PITPNM3: variants seen among roughly 807,000 people sequenced by gnomAD.
PITPNM3 encodes the protein membrane-associated phosphatidylinositol transfer protein 3.
A neutral mutation model predicts 102.0 loss-of-function variants in PITPNM3; 26 were observed. That is an observed-to-expected ratio of 0.25 (90% CI 0.19 to 0.35). The LOEUF (loss-of-function observed/expected upper bound fraction) is 0.35, where lower values mean the gene tolerates loss of function less well. PITPNM3 is among the 10% of genes least tolerant of loss of function. The probability of loss-of-function intolerance (pLI) is 1.00; values close to 1 mark genes in which losing one functional copy is unlikely to be tolerated. For synonymous variants in PITPNM3, 578 were observed against 558.6 expected, an observed-to-expected ratio of 1.03 and a Z score of -0.49; for missense variants, 1,083 against 1,346.1, an observed-to-expected ratio of 0.80 and a Z score of 3.06.
Position 6,469,170 on chromosome 17 carries a change from A to T in PITPNM3, c.1774-829T>A, listed in dbSNP as rs1210892400. ...TAGGAGCACCCTTAGTCTGGCACTC[A>T]TCGCCAGTTGTAAATGCCGTCCAAG... On this transcript the variant is annotated intron_variant, in intron 13 of 19. Coordinates refer to ENST00000262483, the MANE Select transcript of PITPNM3 (RefSeq NM_031220.4). The surrounding 1 kb of genome is among the most constrained non-coding windows in gnomAD (Gnocchi z 4.0). 6.6e-6 allele frequency among the ~76,000 whole-genome samples: 1 copy of T among 152,122 alleles called. No homozygotes were observed. Among genetic ancestry groups the T allele is most frequent in the African/African-American group, 2.4e-5 (1 of 41,420 alleles).
At chr17:6,512,280 CAT>C (rs1426673185) in intron 3 of PITPNM3, among the ~76,000 whole-genome samples, 2 of 152,166 alleles carry the variant, frequency 1.3e-5, no homozygotes, top group Admixed American at 1.3e-4. Flanking sequence ...AGTAAACAGA[CAT>C]ATTCCTATCA....
chr17:6,525,510 A>C (rs1181966093), intron 2 of PITPNM3, 47 bp from the exon 3 acceptor site: 2 of 1,420,316 alleles, frequency 1.4e-6, no homozygotes, highest in Non-Finnish European at 2.0e-6. Context: ...AGCTAGGGAT[A>C]GGTAGCCCTA....
chr17:6,492,494 A>C (rs1906552725), intron 4 of PITPNM3, among the ~76,000 whole-genome samples: 1 of 152,236 alleles, frequency 6.6e-6, no homozygotes, highest in Admixed American at 6.5e-5. Flanking sequence ...AAAGGATAAG[A>C]AATGCTTGTG....
At chr17:6,496,053 GA>G (rs1906794984) in intron 4 of PITPNM3, among the ~76,000 whole-genome samples, 1 of 152,174 alleles carries the variant, frequency 6.6e-6, no homozygotes, top group Admixed American at 6.5e-5. Flanking sequence ...GGTCTCTGCT[GA>G]AGGCTCATGC....
rs886663019 is a variant in PITPNM3, at chr17:6,455,168, GC to G, written c.*169del. 5 of 855,818 alleles carry G rather than the reference GC, an allele frequency of 5.8e-6. No individual in the cohort carries two copies. The East Asian group carries it at 1.2e-4, about 21-fold the overall frequency. The allele number at this position is 855,818 out of a possible 1,614,324, so 53.0% of individuals were successfully genotyped here. A position where few individuals can be genotyped will look rare whatever the true frequency, so the allele number is the denominator to read the frequency against. On this transcript the variant is annotated 3_prime_UTR_variant, in exon 20 of 20. Coordinates refer to ENST00000262483, the MANE Select transcript of PITPNM3 (RefSeq NM_031220.4). The stretch of plus-strand genomic sequence containing the variant: ...ACCTCACCCCGTCGCAGCTCAGGGA[GC>G]CCCCCGGGCTCGGGCAGGATCCCTC...
At position 6,468,965 on chromosome 17, in the gene PITPNM3, C is replaced by T. The variant is rs1904922192; in HGVS notation, c.1774-624G>A. Among the ~76,000 whole-genome samples, 1 of 152,088 alleles carries T rather than the reference C, an allele frequency of 6.6e-6. No homozygotes were observed. The highest frequency in any genetic ancestry group is 1.5e-5 in the Non-Finnish European group (1 of 68,012). On this transcript the variant is annotated intron_variant, in intron 13 of 19. Transcript: ENST00000262483. The surrounding 1 kb of genome is among the most constrained non-coding windows in gnomAD (Gnocchi z 5.2). ...CTCCAGTCAGGGTTCTTCTCCATCA[C>T]TCCTCTACGGAAGCCATTCTTGCCA... is the stretch of plus-strand genomic sequence containing the variant.
chr17:6,471,451 TGGA>T, intron 11 of PITPNM3, 96 bp from the exon 12 acceptor site: 1 of 1,233,902 alleles, frequency 8.1e-7, no homozygotes, highest in Admixed American at 2.6e-5. Context: ...GCTGGGCACT[TGGA>T]GGAGTCAGCC....
intron 3 of PITPNM3, among the ~76,000 whole-genome samples, chr17:6,506,353 T>C (rs1195956080): frequency 6.7e-6 from 1 of 149,784 alleles, no homozygotes; most frequent in Non-Finnish European, 1.5e-5. Context: ...CTTCCTTCCT[T>C]TCTATTCTTT....
At position 6,471,145 on chromosome 17, in the gene PITPNM3, A is replaced by G. The variant is rs764876247; in HGVS notation, c.1624+16T>C. On this transcript the variant is annotated intron_variant, in intron 12 of 19. Coordinates refer to ENST00000262483, the MANE Select transcript of PITPNM3 (RefSeq NM_031220.4). ...TCCCCCGAATCCAGGCAGGGCCCCA[A>G]AAGGACCTCACTCACTGCGGGAGGC... is the stretch of plus-strand genomic sequence containing the variant. The G allele has an allele frequency of 7.4e-6, 12 of 1,611,572 alleles. No homozygotes were observed. The South Asian group carries it at 1.2e-4, about 16-fold the overall frequency.
intron 2 of PITPNM3, among the ~76,000 whole-genome samples, chr17:6,529,293 G>A (rs144907953): frequency 4.6e-5 from 7 of 152,256 alleles, no homozygotes; most frequent in Admixed American, 2.0e-4. Flanking sequence ...GGACTCCAGA[G>A]TAAAGAATCT....
At chr17:6,503,219 C>G (rs1453230501) in intron 4 of PITPNM3, among the ~76,000 whole-genome samples, 1 of 152,188 alleles carries the variant, frequency 6.6e-6, no homozygotes, top group African/African-American at 2.4e-5. Flanking sequence ...CTGCTGAGCT[C>G]ACACTCCCAA....
At chr17:6,522,290 A>ATG (rs1319406221) in intron 3 of PITPNM3, among the ~76,000 whole-genome samples, 7,422 of 147,026 alleles carry the variant, frequency 0.05, 263 homozygotes, top group South Asian at 0.15. Flanking sequence ...GTGTGCGCAC[A>ATG]CACACACACA....
chr17:6,545,129 C>T (rs749069855), intron 1 of PITPNM3, among the ~76,000 whole-genome samples: 40 of 152,288 alleles, frequency 2.6e-4, no homozygotes, highest in East Asian at 3.9e-4. Context: ...TACTAAATGA[C>T]AGGAAACCCT....
intron 3 of PITPNM3, among the ~76,000 whole-genome samples, chr17:6,512,039 T>TCGATTGTC (rs1187957696): frequency 7.5e-4 from 114 of 152,298 alleles, no homozygotes; most frequent in African/African-American, 2.4e-3. Flanking sequence ...GCTCTTGTGA[T>TCGATTGTC]CGATTGTCTG....
At chr17:6,516,393 C>A (rs539530912) in intron 3 of PITPNM3, among the ~76,000 whole-genome samples, 1 of 151,402 alleles carries the variant, frequency 6.6e-6, no homozygotes, top group Non-Finnish European at 1.5e-5. Context: ...GAAACCCCGT[C>A]TCTACTAAAA....
chr17:6,532,507 C>T (rs1345971814), intron 2 of PITPNM3, among the ~76,000 whole-genome samples: 2 of 152,108 alleles, frequency 1.3e-5, no homozygotes, highest in Non-Finnish European at 2.9e-5. Flanking sequence ...AACTCCCCAT[C>T]CCCAGGCGAC....
At chr17:6,525,496 G>A (rs1234503131) in intron 2 of PITPNM3, 33 bp from the exon 3 acceptor site, 2 of 1,522,192 alleles carry the variant, frequency 1.3e-6, no homozygotes, top group African/African-American at 1.4e-5. Context: ...GCAGAAGCAG[G>A]TGCAGCTAGG....
intron 1 of PITPNM3, among the ~76,000 whole-genome samples, chr17:6,544,847 C>CCACACACACACACACACTCA (rs949264334): frequency 2.1e-5 from 2 of 95,130 alleles, no homozygotes; most frequent in African/African-American, 8.0e-5. Flanking sequence ...GCTCATGCAG[C>CCACACACACACACACACTCA]CACACACACA....
At position 6,539,990 on chromosome 17, in the gene PITPNM3, G is replaced by A. The variant is rs117244812; in HGVS notation, c.23-1908C>T. On this transcript the variant is annotated intron_variant, in intron 1 of 19. Transcript: ENST00000262483. ...TTTGAACAGCAAGAGCCCAGTGAGA[G>A]GCTCCTCTATGCGGTGGCCTCATAC... Among the ~76,000 whole-genome samples, 1,175 of 152,310 alleles carry A rather than the reference G, an allele frequency of 7.7e-3. 9 individuals carry two copies. Among genetic ancestry groups the A allele is most frequent in the Non-Finnish European group, 0.012 (811 of 68,032 alleles).
Sources: gnomAD v4.1 joint callset for allele counts (sites outside exome capture counted in the v4.1 genomes callset) on GRCh38, gnomAD v4.1.1 for gene constraint, Gnocchi (gnomAD v3.1) non-coding constraint, MANE v1.5 for transcripts, NCBI Gene and HGNC (gene_info 2026-07-23, HGNC 2026-07-21) for gene names.